KCNIP4: variants seen among roughly 807,000 people sequenced by gnomAD.
KCNIP4 encodes the protein Kv channel-interacting protein 4.
Under a neutral mutation model 34.0 loss-of-function variants are expected in KCNIP4, and 12 were observed. That is an observed-to-expected ratio of 0.35 (90% confidence interval 0.23 to 0.57). The LOEUF (loss-of-function observed/expected upper bound fraction) is 0.57. KCNIP4 is among the 20% of genes least tolerant of loss of function. The pLI is 0.83. For synonymous variants in KCNIP4, 124 were observed against 102.2 expected (o/e 1.21, Z -1.29); for missense variants, 238 against 311.7 (o/e 0.76, Z 1.78).
chr4:21,098,431 G>A (rs911722095), intron 1 of KCNIP4, among the ~76,000 whole-genome samples: 2 of 152,164 alleles, frequency 1.3e-5, no homozygotes, highest in Admixed American at 6.5e-5. Context: ...TTTGTTAGGG[G>A]CTAATACAGC....
chr4:21,431,109 T>A (rs1359360116), intron 1 of KCNIP4, among the ~76,000 whole-genome samples: 2 of 151,952 alleles, frequency 1.3e-5, no homozygotes, highest in African/African-American at 4.8e-5. Flanking sequence ...GAGCATTTCT[T>A]CAATAATATA....
At chr4:21,598,128 G>A (rs78577763) in intron 1 of KCNIP4, among the ~76,000 whole-genome samples, 112 of 152,060 alleles carry the variant, frequency 7.4e-4, no homozygotes, top group Non-Finnish European at 1.3e-3. Context: ...GAGAGAACAC[G>A]GAAGAATGTA....
chr4:21,899,465 G>T (rs1727586532), intron 1 of KCNIP4, among the ~76,000 whole-genome samples: 1 of 151,676 alleles, frequency 6.6e-6, no homozygotes, highest in South Asian at 2.1e-4. Context: ...AAAAGTAAAG[G>T]GCATCAAAAT....
intron 1 of KCNIP4, among the ~76,000 whole-genome samples, chr4:21,598,557 A>G (rs560523499): frequency 1.3e-5 from 2 of 152,190 alleles, no homozygotes; most frequent in East Asian, 3.9e-4. Flanking sequence ...ATCAACTCCT[A>G]TGATTGATGA....
chr4:20,856,412 C>T (rs1360587727), intron 2 of KCNIP4, among the ~76,000 whole-genome samples: 1 of 152,170 alleles, frequency 6.6e-6, no homozygotes, highest in African/African-American at 2.4e-5. Context: ...GATTCCCATA[C>T]TATGCAAAAT....
At chr4:20,825,224 CGTTTTTTT>C (rs762004406) in intron 3 of KCNIP4, among the ~76,000 whole-genome samples, 2 of 96,712 alleles carry the variant, frequency 2.1e-5, no homozygotes, top group African/African-American at 4.4e-5. Context: ...GTCAATTTTA[CGTTTTTTT>C]TTTTTTTTTT....
At chr4:21,830,981 C>G (rs1285615151) in intron 1 of KCNIP4, among the ~76,000 whole-genome samples, 1 of 152,012 alleles carries the variant, frequency 6.6e-6, no homozygotes, top group East Asian at 1.9e-4. Flanking sequence ...AGTGGTATGA[C>G]TAGAAATCAA....
chr4:21,189,688 A>G (rs1387423956), intron 1 of KCNIP4, among the ~76,000 whole-genome samples: 1 of 152,206 alleles, frequency 6.6e-6, no homozygotes, highest in Non-Finnish European at 1.5e-5. Flanking sequence ...CAACTTTTCT[A>G]TTCTCCTCAG....
At chr4:21,246,960 T>C (rs1165775286) in intron 1 of KCNIP4, among the ~76,000 whole-genome samples, 2 of 152,186 alleles carry the variant, frequency 1.3e-5, no homozygotes, top group Admixed American at 6.5e-5. Flanking sequence ...TGTCTAAGTT[T>C]CTCTACATTA....
intron 1 of KCNIP4, among the ~76,000 whole-genome samples, chr4:21,707,347 A>C (rs185518550): frequency 2.6e-5 from 4 of 152,324 alleles, no homozygotes; most frequent in African/African-American, 7.2e-5. Context: ...AGCTTTAAAA[A>C]GTAAAACAAA....
chr4:21,603,696 G>GA (rs764929139), intron 1 of KCNIP4, among the ~76,000 whole-genome samples: 56 of 147,866 alleles, frequency 3.8e-4, no homozygotes, highest in Admixed American at 1.4e-3. Flanking sequence ...AAGTAGCAAT[G>GA]ATAAAAAAAA....
chr4:20,793,661 G>C (rs925745063), intron 3 of KCNIP4, among the ~76,000 whole-genome samples: 20 of 151,958 alleles, frequency 1.3e-4, no homozygotes, highest in African/African-American at 4.8e-4. Context: ...TACATTTATG[G>C]TGTACTTGAT....
intron 1 of KCNIP4, among the ~76,000 whole-genome samples, chr4:21,185,263 G>A (rs1755129725): frequency 6.6e-6 from 1 of 151,984 alleles, no homozygotes; most frequent in Non-Finnish European, 1.5e-5. Context: ...CCTAAGTCAT[G>A]ACAATTTCAG....
rs150909682 is a variant in KCNIP4 at position 21,202,013 on chromosome 4, T to C, written c.62-319304A>G. 3.0e-3 allele frequency among the ~76,000 whole-genome samples: 453 copies of C among 152,350 alleles called. 4 individuals are homozygous for C. Among genetic ancestry groups the C allele is most frequent in the African/African-American group, 0.01 (420 of 41,574 alleles). On this transcript the variant is annotated intron_variant, in intron 1 of 8. Coordinates refer to ENST00000382152, the MANE Select transcript of KCNIP4 (RefSeq NM_025221.6). ...GAGAAAAGAGAATGCTTATGCACTA[T>C]TGGTGGGAATGTGAATTAGTTCAGC...
At chr4:21,745,241 A>G (rs2109135525) in intron 1 of KCNIP4, among the ~76,000 whole-genome samples, 1 of 152,342 alleles carries the variant, frequency 6.6e-6, no homozygotes. Flanking sequence ...GAAAAAACAG[A>G]GGAAAATGTT....
intron 1 of KCNIP4, among the ~76,000 whole-genome samples, chr4:21,135,669 A>G (rs1751444320): frequency 1.3e-5 from 2 of 152,200 alleles, no homozygotes; most frequent in Admixed American, 6.5e-5. Context: ...TTAAGAGTGT[A>G]TGGGTAGTAG....
At chr4:21,357,332 A>G (rs1157864926) in intron 1 of KCNIP4, among the ~76,000 whole-genome samples, 1 of 152,292 alleles carries the variant, frequency 6.6e-6, no homozygotes, top group African/African-American at 2.4e-5. Flanking sequence ...TAATTAAACT[A>G]AAGAGCTTCT....
intron 1 of KCNIP4, among the ~76,000 whole-genome samples, chr4:21,191,546 G>T (rs1755648474): frequency 6.6e-6 from 1 of 152,148 alleles, no homozygotes; most frequent in African/African-American, 2.4e-5. Context: ...AAAGATGGTG[G>T]TTACATGAGC....
chr4:20,951,608 T>G (rs1182464908), intron 1 of KCNIP4, among the ~76,000 whole-genome samples: 1 of 152,198 alleles, frequency 6.6e-6, no homozygotes, highest in African/African-American at 2.4e-5. Context: ...CATATATCTT[T>G]TTTGAATAGG....
Sources: allele counts gnomAD v4.1 joint callset (sites outside exome capture counted in the v4.1 genomes callset), GRCh38; gene constraint gnomAD v4.1.1; transcripts MANE v1.5; gene names NCBI Gene and HGNC (gene_info 2026-07-23, HGNC 2026-07-21).